MCM2: variants seen among roughly 807,000 people sequenced by gnomAD.
MCM2 encodes the protein minichromosome maintenance complex component 2.
In MCM2, 49 loss-of-function variants were observed where a neutral mutation model predicts 86.4. That is an observed-to-expected ratio of 0.57 (90% CI 0.45 to 0.72). The LOEUF is 0.72. MCM2 is among the 30% of genes least tolerant of loss of function. The pLI is 0.00. For synonymous variants in MCM2, 475 were observed against 484.6 expected, an observed-to-expected ratio of 0.98 and a Z score of 0.26; for missense variants, 1,038 against 1,259.9, an observed-to-expected ratio of 0.82 and a Z score of 2.67.
rs1224314713 is a variant in MCM2, at chr3:127,620,778, G to A, written c.2346G>A (p.Leu782=). Residue 782 remains leucine (L), a synonymous_variant, in exon 14 of 16, where the codon CTG becomes CTA. Coordinates refer to ENST00000265056, the MANE Select transcript of MCM2 (RefSeq NM_004526.4). ...CGGAGGCCCACGCGCGCATCCATCTGCGGGACTATGTGATCGAAGACGACG... is the reference window on the plus strand; with the variant it reads ...CGGAGGCCCACGCGCGCATCCATCTACGGGACTATGTGATCGAAGACGACG... ...RMAEAHARIH[L]RDYVIEDDVN... is the part of the protein sequence containing the mutation. 1.9e-6 allele frequency: 3 copies of A among 1,614,140 alleles called. No individual in the cohort carries two copies. The highest frequency in any genetic ancestry group is 3.3e-5 in the Admixed American group (2 of 60,026).
chr3:127,621,649 CTT>C lies in MCM2; in HGVS notation c.2605-13_2605-12del. The C allele has an allele frequency of 6.3e-7, 1 of 1,583,208 alleles. No homozygotes were observed. The highest frequency in any genetic ancestry group is 8.7e-7 in the Non-Finnish European group (1 of 1,152,190). On this transcript the variant is annotated splice_polypyrimidine_tract_variant and intron_variant, in intron 15 of 15. Coordinates refer to ENST00000265056, the MANE Select transcript of MCM2 (RefSeq NM_004526.4). ...CACACCACTGATGGCTCACTGGACA[CTT>C]CCTCCTTGCAGGCTCGTCAGATCAA...
intron 4 of MCM2, 93 bp downstream of exon 4, chr3:127,605,249 C>T: frequency 6.7e-7 from 1 of 1,502,264 alleles, no homozygotes; most frequent in South Asian, 1.2e-5. Context: ...ACGTGAAGCA[C>T]AGGGCATATG....
intron 1 of MCM2, chr3:127,599,013 G>A: frequency 2.0e-6 from 1 of 491,220 alleles, no homozygotes; most frequent in Admixed American, 3.7e-5. Flanking sequence ...ACAGTAAACA[G>A]GTAAATAGGC....
intron 2 of MCM2, among the ~76,000 whole-genome samples, chr3:127,601,984 G>C (rs2074309293): frequency 6.6e-6 from 1 of 151,954 alleles, no homozygotes; most frequent in Non-Finnish European, 1.5e-5. Context: ...TTTTTAATTG[G>C]GTTGCTTGTC....
At chr3:127,620,989 T>C in intron 14 of MCM2, 84 bp from the exon 15 acceptor site, 1 of 1,578,780 alleles carries the variant, frequency 6.3e-7, no homozygotes, top group Non-Finnish European at 8.6e-7. Context: ...GCAGCCTGTC[T>C]GACCTGGGTG....
intron 9 of MCM2, 98 bp from the exon 10 acceptor site, chr3:127,616,770 C>G: frequency 7.2e-7 from 1 of 1,383,464 alleles, no homozygotes; most frequent in South Asian, 1.3e-5. Flanking sequence ...CTTACCATTC[C>G]TAACAAGTAG....
At chr3:127,607,163 A>G (rs914769612) in intron 6 of MCM2, among the ~76,000 whole-genome samples, 2 of 152,224 alleles carry the variant, frequency 1.3e-5, no homozygotes, top group African/African-American at 2.4e-5. Flanking sequence ...CCATGGTGCC[A>G]TCACTCACGT....
At position 127,622,058 on chromosome 3, in the gene MCM2, T is replaced by C; in HGVS notation, c.*285T>C. On this transcript the variant is annotated 3_prime_UTR_variant, in exon 16 of 16. Transcript: ENST00000265056. ...TCCACTCAGTACCTTGGATCAGAGCTGCTGAGTTCAGGATGCCTGCGTGTG... is the reference window on the plus strand; with the variant it reads ...TCCACTCAGTACCTTGGATCAGAGCCGCTGAGTTCAGGATGCCTGCGTGTG... The C allele has an allele frequency of 3.1e-6, 1 of 325,266 alleles. No individual in the cohort carries two copies. The highest frequency in any genetic ancestry group is 4.3e-5 in the South Asian group (1 of 23,240). 20.1% of individuals were successfully genotyped at this position (325,266 alleles called of 1,614,324 possible).
At chr3:127,600,405 A>G (rs1173044594) in intron 2 of MCM2, among the ~76,000 whole-genome samples, 1 of 152,234 alleles carries the variant, frequency 6.6e-6, no homozygotes. Context: ...GATCTGGTAG[A>G]TAACGTCAGT....
chr3:127,607,215 T>A (rs1314864254), intron 6 of MCM2, among the ~76,000 whole-genome samples: 1 of 152,190 alleles, frequency 6.6e-6, no homozygotes, highest in East Asian at 1.9e-4. Flanking sequence ...TCAGCTTGTT[T>A]CTGGGACCTG....
At chr3:127,611,428 G>A (rs551248842) in intron 8 of MCM2, among the ~76,000 whole-genome samples, 161 of 152,316 alleles carry the variant, frequency 1.1e-3, no homozygotes, top group Admixed American at 1.9e-3. Context: ...GAGACCCATA[G>A]GTGAGCGTGT....
rs906292708 is a variant in MCM2, at chr3:127,618,463, G to A, written c.2013+382G>A. On this transcript the variant is annotated intron_variant, in intron 12 of 15. Coordinates refer to ENST00000265056, the MANE Select transcript of MCM2 (RefSeq NM_004526.4). This position sits in a 1 kb window ranked among gnomAD's most constrained non-coding sequence, Gnocchi z 4.0. ...AGCCCCGTCCTTAACAACTGCTTGA[G>A]GCTTTCTGCTGTCATCAGAATAGAA... Among the ~76,000 whole-genome samples, 4 of 152,116 alleles carry A rather than the reference G, an allele frequency of 2.6e-5. No individual in the cohort carries two copies. The highest frequency in any genetic ancestry group is 9.7e-5 in the African/African-American group (4 of 41,410).
At chr3:127,608,195 A>T (rs2074364630) in intron 6 of MCM2, among the ~76,000 whole-genome samples, 187 bp from the exon 7 acceptor site, 1 of 152,166 alleles carries the variant, frequency 6.6e-6, no homozygotes, top group African/African-American at 2.4e-5. Flanking sequence ...TCCCAGAGGG[A>T]TGGTGTGGCA....
In MCM2 at chr3:127,604,900, C is replaced by T. The variant is rs377197527; in HGVS notation, c.417C>T (p.Ser139=). Residue 139 remains serine (S), a synonymous_variant, in exon 4 of 16, where the codon AGC becomes AGT. Transcript: ENST00000265056. ...AGGTGTCTCTTGCCTCCCCAGACAG[C>T]GATGAGGAGGACGAGGAGCGCCCTG... is the stretch of plus-strand genomic sequence containing the variant. ...GRMRRGLLYD[S]DEEDEERPAR... 9.9e-6 allele frequency: 16 copies of T among 1,609,154 alleles called. No homozygotes were observed. The highest frequency in any genetic ancestry group is 3.3e-5 in the South Asian group (3 of 90,570).
rs1246466444 is a variant in MCM2, at chr3:127,616,915, G to A, written c.1570G>A (p.Asp524Asn). 6.2e-7 allele frequency: 1 copy of A among 1,614,066 alleles called. No homozygotes were observed. The highest frequency in any genetic ancestry group is 1.3e-5 in the African/African-American group (1 of 74,946). ...TGATATCAACGTGCTCTTGTGCGGA[G>A]ACCCTGGCACAGCGAAGTCGCAGTT... ...RGDINVLLCG[D>N]PGTAKSQFLK... The change falls in exon 10 of 16, where the codon GAC becomes AAC. Residue 524 changes from aspartate (D) to asparagine (N), a missense_variant. Around this residue, in one of 4 missense-constraint regions of MCM2, gnomAD observed 399 missense variants for 507.2 expected, o/e 0.79. Transcript: ENST00000265056.
At chr3:127,610,873 T>C (rs1371139068) in intron 8 of MCM2, 1 of 456,574 alleles carries the variant, frequency 2.2e-6, no homozygotes, top group Non-Finnish European at 4.4e-6. Flanking sequence ...AGATCTGGGG[T>C]TCCCATAGGA....
In MCM2 at chr3:127,617,564, G is replaced by A. The variant is rs2074443007; in HGVS notation, c.1900+159G>A. 2.1e-6 allele frequency: 2 copies of A among 930,642 alleles called. No homozygotes were observed. Among genetic ancestry groups the A allele is most frequent in the South Asian group, 3.5e-5 (2 of 57,428 alleles). The allele number at this position is 930,642 out of a possible 1,614,324, so 57.6% of individuals were successfully genotyped here. On this transcript the variant is annotated intron_variant, in intron 11 of 15. Coordinates refer to ENST00000265056, the MANE Select transcript of MCM2 (RefSeq NM_004526.4). This position sits in a 1 kb window ranked among gnomAD's most constrained non-coding sequence, Gnocchi z 4.1. ...GCATATCCTGCCAGAGTGGGGAACA[G>A]TGAAAGTGGGACCTGGGACACCTGG...
intron 2 of MCM2, 147 bp from the exon 3 acceptor site, chr3:127,604,461 G>A: frequency 1.4e-6 from 1 of 730,490 alleles, no homozygotes; most frequent in Non-Finnish European, 2.3e-6. Context: ...TCTTTTCTGA[G>A]CCTTCTGTGT....
intron 6 of MCM2, among the ~76,000 whole-genome samples, chr3:127,608,107 C>T (rs553524531): frequency 6.6e-6 from 1 of 152,302 alleles, no homozygotes; most frequent in Admixed American, 6.5e-5. Context: ...ACCCAGGCAG[C>T]CTGGTTCCAG....
Sources: allele counts gnomAD v4.1 joint callset (sites outside exome capture counted in the v4.1 genomes callset), GRCh38; gene constraint gnomAD v4.1.1; regional missense constraint gnomAD v4.1.1; non-coding constraint Gnocchi (gnomAD v3.1); transcripts MANE v1.5; gene names NCBI Gene and HGNC (gene_info 2026-07-23, HGNC 2026-07-21).